Variants in MARCHF1 observed in about 807,000 individuals in gnomAD.
MARCHF1 encodes E3 ubiquitin-protein ligase MARCHF1.
Under a neutral mutation model 54.2 loss-of-function variants are expected in MARCHF1, and 40 were observed. The observed-to-expected ratio is 0.74, with a 90% CI of 0.57 to 0.96. The LOEUF (loss-of-function observed/expected upper bound fraction) is 0.96. Ranked by LOEUF, MARCHF1 falls within the 40% of genes least tolerant of loss-of-function variation. MARCHF1 has a pLI of 0.00. For missense variants in MARCHF1, 586 were observed against 656.5 expected, an observed-to-expected ratio of 0.89 and a Z score of 1.17; for synonymous variants, 236 against 236.3, an observed-to-expected ratio of 1.00 and a Z score of 0.01.
At chr4:164,082,710 C>T (rs974147841) in intron 2 of MARCHF1, among the ~76,000 whole-genome samples, 1 of 152,138 alleles carries the variant, frequency 6.6e-6, no homozygotes, top group Admixed American at 6.6e-5. Context: ...CAGACTAATT[C>T]ATAAATTGTG....
chr4:164,186,252 C>T (rs182933442), intron 1 of MARCHF1, among the ~76,000 whole-genome samples: 3 of 152,244 alleles, frequency 2.0e-5, no homozygotes, highest in East Asian at 1.9e-4. Flanking sequence ...TAATCACCAA[C>T]GTGAATAACG....
At chr4:164,302,082 T>A (rs1340462629) in intron 1 of MARCHF1, among the ~76,000 whole-genome samples, 1 of 152,168 alleles carries the variant, frequency 6.6e-6, no homozygotes, top group African/African-American at 2.4e-5. Context: ...GTTTGACCAA[T>A]GGGCATTCAG....
chr4:163,979,096 G>C (rs1313891384), intron 3 of MARCHF1, among the ~76,000 whole-genome samples: 1 of 123,168 alleles, frequency 8.1e-6, no homozygotes, highest in African/African-American at 3.3e-5. Flanking sequence ...ATATATACAT[G>C]TGCCATGCTG....
chr4:164,074,766 G>A (rs951709272), intron 2 of MARCHF1, among the ~76,000 whole-genome samples: 1 of 151,676 alleles, frequency 6.6e-6, no homozygotes, highest in Admixed American at 6.6e-5. Context: ...ATCTTTAGTG[G>A]TTTCTCCTAA....
chr4:164,099,742 C>G (rs1384254473), intron 2 of MARCHF1, among the ~76,000 whole-genome samples: 1 of 151,864 alleles, frequency 6.6e-6, no homozygotes, highest in Admixed American at 6.6e-5. Flanking sequence ...ATATATTATT[C>G]AAAAGAAAAT....
chr4:164,190,556 T>TA (rs1023409070), intron 1 of MARCHF1, among the ~76,000 whole-genome samples: 1 of 150,688 alleles, frequency 6.6e-6, no homozygotes, highest in African/African-American at 2.5e-5. Flanking sequence ...AAAAAGTGGG[T>TA]AAAAAACCTG....
At chr4:163,612,176 G>T in intron 7 of MARCHF1, 95 bp downstream of exon 7, 3 of 1,072,658 alleles carry the variant, frequency 2.8e-6, no homozygotes, top group Non-Finnish European at 3.8e-6. Context: ...GTAAATAAAT[G>T]TTAAGTTTTG....
intron 1 of MARCHF1, among the ~76,000 whole-genome samples, chr4:164,135,794 T>G (rs928601905): frequency 6.6e-6 from 1 of 152,198 alleles, no homozygotes; most frequent in African/African-American, 2.4e-5. Flanking sequence ...TTCAAAGATG[T>G]GGTCTAAGAA....
intron 2 of MARCHF1, among the ~76,000 whole-genome samples, chr4:164,021,578 C>T (rs989813407): frequency 1.2e-5 from 1 of 84,878 alleles, no homozygotes; most frequent in African/African-American, 4.3e-5. Context: ...GACAAAAAGA[C>T]AAAATATTTT....
At chr4:164,199,094 C>T (rs9790368) in intron 1 of MARCHF1, among the ~76,000 whole-genome samples, 145,349 of 152,280 alleles carry the variant, frequency 0.95, 69,433 homozygotes, top group African/African-American at 0.99. Context: ...AGATTGATCA[C>T]ATGTTCCAAA....
chr4:164,035,259 T>C (rs1484956568), intron 2 of MARCHF1, among the ~76,000 whole-genome samples: 2 of 152,056 alleles, frequency 1.3e-5, no homozygotes, highest in African/African-American at 4.8e-5. Context: ...TTCAGAAACA[T>C]ATAAGTCATT....
At chr4:163,681,097 G>T (rs1264402007) in intron 5 of MARCHF1, among the ~76,000 whole-genome samples, 2 of 151,748 alleles carry the variant, frequency 1.3e-5, no homozygotes, top group African/African-American at 4.8e-5. Context: ...AGATATTAAA[G>T]GGAACTAACT....
intron 1 of MARCHF1, among the ~76,000 whole-genome samples, chr4:164,163,577 A>G (rs531981205): frequency 6.6e-6 from 1 of 152,134 alleles, no homozygotes. Context: ...AGACAGGACA[A>G]ATTTTGAAAG....
At chr4:164,245,705 C>T (rs937641711) in intron 1 of MARCHF1, among the ~76,000 whole-genome samples, 21 of 151,194 alleles carry the variant, frequency 1.4e-4, no homozygotes, top group South Asian at 6.3e-4. Flanking sequence ...AAAACCCCAT[C>T]GTCTCAGCCC....
chr4:164,156,309 T>C (rs1008886853), intron 1 of MARCHF1, among the ~76,000 whole-genome samples: 86 of 152,316 alleles, frequency 5.6e-4, no homozygotes, highest in African/African-American at 2.0e-3. Context: ...TAGTATATAG[T>C]CCCAAACTAG....
At chr4:163,997,834 G>C (rs1032682281) in intron 2 of MARCHF1, among the ~76,000 whole-genome samples, 1 of 150,844 alleles carries the variant, frequency 6.6e-6, no homozygotes. Context: ...TCAGCTTGTG[G>C]AAAAAAAAGT....
At chr4:163,909,802 G>C (rs903215158) in intron 3 of MARCHF1, among the ~76,000 whole-genome samples, 4 of 152,030 alleles carry the variant, frequency 2.6e-5, no homozygotes, top group African/African-American at 7.2e-5. Context: ...AAACAATCAG[G>C]CTATGGGCAT....
intron 1 of MARCHF1, among the ~76,000 whole-genome samples, chr4:164,240,548 C>A (rs1732710268): frequency 6.6e-6 from 1 of 151,988 alleles, no homozygotes. Flanking sequence ...GTCTCTTCTT[C>A]CTCTGCTTGT....
chr4:164,265,822 T>C (rs1579674061), intron 1 of MARCHF1, among the ~76,000 whole-genome samples: 2 of 152,136 alleles, frequency 1.3e-5, no homozygotes, highest in Admixed American at 6.6e-5. Flanking sequence ...AAATTACTTA[T>C]CATCTATCAT....
Sources: allele counts gnomAD v4.1 joint callset (sites outside exome capture counted in the v4.1 genomes callset), GRCh38; gene constraint gnomAD v4.1.1; transcripts MANE v1.5; gene names NCBI Gene and HGNC (gene_info 2026-07-23, HGNC 2026-07-21).